USPL1: variants seen among roughly 807,000 people sequenced by gnomAD.
USPL1 encodes the protein ubiquitin specific peptidase like 1.
Under a neutral mutation model 51.5 loss-of-function variants are expected in USPL1, and 27 were observed. That is an observed-to-expected ratio of 0.52 (90% confidence interval 0.39 to 0.72). The LOEUF is 0.72. Among genes scored for constraint, USPL1 ranks in the 30% least tolerant of loss-of-function variants. The pLI, the probability that USPL1 is intolerant of heterozygous loss-of-function variation, is 0.00. For synonymous variants in USPL1, 451 were observed against 459.6 expected, an observed-to-expected ratio of 0.98 and a Z score of 0.24; for missense variants, 1,226 against 1,268.0, an observed-to-expected ratio of 0.97 and a Z score of 0.50.
intron 8 of USPL1, 79 bp from the exon 9 acceptor site, chr13:30,657,395 A>G: frequency 7.2e-7 from 1 of 1,394,564 alleles, no homozygotes. Flanking sequence ...ATGATACAAC[A>G]GTTGAAAAGG....
In USPL1 at chr13:30,621,730, G is replaced by C. The variant is rs752129251; in HGVS notation, c.100-34G>C. 1.3e-5 allele frequency: 19 copies of C among 1,413,238 alleles called. No homozygotes were observed. In the East Asian group the frequency reaches 4.5e-4, roughly 34 times the overall value. The allele number at this position is 1,413,238 out of a possible 1,614,324, so 87.5% of individuals were successfully genotyped here. On this transcript the variant is annotated intron_variant, in intron 2 of 8. Transcript: ENST00000255304. ...TAATATTTTGATATATTCTAGGAAT[G>C]TCTATATTTTAATTTGCTTTATTTC...
chr13:30,654,201 G>T (rs1951129100), intron 8 of USPL1, among the ~76,000 whole-genome samples: 1 of 152,196 alleles, frequency 6.6e-6, no homozygotes, highest in African/African-American at 2.4e-5. Context: ...CAGCATGGAA[G>T]AATCATTTAT....
intron 4 of USPL1, among the ~76,000 whole-genome samples, chr13:30,635,802 A>G (rs1950868250): frequency 6.6e-6 from 1 of 152,136 alleles, no homozygotes. Flanking sequence ...TGCTGTTGTG[A>G]ATTAACACCA....
At chr13:30,655,819 A>G (rs1264553204) in intron 8 of USPL1, among the ~76,000 whole-genome samples, 2 of 152,206 alleles carry the variant, frequency 1.3e-5, no homozygotes, top group African/African-American at 4.8e-5. Flanking sequence ...GGAATAGGAA[A>G]TGTTTTGTAG....
At chr13:30,628,960 C>T (rs1214916210) in intron 3 of USPL1, among the ~76,000 whole-genome samples, 2 of 152,108 alleles carry the variant, frequency 1.3e-5, no homozygotes, top group South Asian at 4.1e-4. Context: ...TCTCAGTTTT[C>T]TGACATATGA....
At chr13:30,626,047 T>G (rs374055039) in intron 3 of USPL1, among the ~76,000 whole-genome samples, 7 of 152,192 alleles carry the variant, frequency 4.6e-5, no homozygotes, top group African/African-American at 1.7e-4. Context: ...AGGTGCAGTG[T>G]TTCACACCTG....
chr13:30,658,122 C>A lies in USPL1; in HGVS notation c.2045C>A (p.Thr682Asn), dbSNP rs750690004. 6.2e-7 allele frequency: 1 copy of A among 1,613,680 alleles called. No individual in the cohort carries two copies. The highest frequency in any genetic ancestry group is 1.3e-5 in the African/African-American group (1 of 75,036). The change falls in exon 9 of 9, where the codon ACT (threonine) becomes AAT (asparagine). Residue 682 changes from threonine (T) to asparagine (N), a missense_variant. Physicochemically the swap from Thr to Asn is moderately conservative, Grantham distance 65. Coordinates refer to ENST00000255304, the MANE Select transcript of USPL1 (RefSeq NM_005800.5). ...DTVNTKSVNN[T>N]DATGLIQGVK... ...GTAAATACTAAATCTGTGAATAATACTGATGCTACTGGTCTTATACAGGGA... is the reference window on the plus strand; with the variant it reads ...GTAAATACTAAATCTGTGAATAATAATGATGCTACTGGTCTTATACAGGGA...
At chr13:30,651,847 T>C (rs1402035319) in intron 7 of USPL1, among the ~76,000 whole-genome samples, 1 of 152,002 alleles carries the variant, frequency 6.6e-6, no homozygotes, top group Non-Finnish European at 1.5e-5. Flanking sequence ...ATCCAGCTCC[T>C]CAGGAGGCTG....
intron 3 of USPL1, among the ~76,000 whole-genome samples, chr13:30,629,602 CAGTTGGTACTAGCTGCTAGCTGGA>C (rs1950772920): frequency 6.6e-6 from 1 of 152,192 alleles, no homozygotes; most frequent in African/African-American, 2.4e-5. Flanking sequence ...ACATGGCTGG[CAGTTGGTACTAGCTGCTAGCTGGA>C]AGTTGAGTTC....
chr13:30,658,815 G>T lies in USPL1; in HGVS notation c.2738G>T (p.Arg913Ile). ...GCTCTTATGTCTTCCCCGCAAAGCA[G>T]AACAGTTCGAAGTGAAAATCTAGAA... ...LAALMSSPQS[R>I]TVRSENLEQV... The change falls in exon 9 of 9, where the codon AGA becomes ATA. Residue 913 changes from arginine to isoleucine, a missense_variant. Transcript: ENST00000255304. 1 of 1,613,898 alleles carries T rather than the reference G, an allele frequency of 6.2e-7. No homozygotes were observed. Among genetic ancestry groups the T allele is most frequent in the Non-Finnish European group, 8.5e-7 (1 of 1,180,040 alleles).
intron 5 of USPL1, 53 bp from the exon 6 acceptor site, chr13:30,642,575 T>C: frequency 6.3e-7 from 1 of 1,581,834 alleles, no homozygotes; most frequent in Non-Finnish European, 8.6e-7. Context: ...AATTTTGGTT[T>C]AGTTTTTGCC....
rs200614142 is a variant in USPL1, at chr13:30,658,996, G to A, written c.2919G>A (p.Ala973=). 1.5e-4 allele frequency: 242 copies of A among 1,613,970 alleles called. No homozygotes were observed. Among genetic ancestry groups the A allele is most frequent in the Non-Finnish European group, 1.9e-4 (222 of 1,180,044 alleles). The change falls in exon 9 of 9, where the codon GCG becomes GCA. Residue 973 remains alanine (A), a synonymous_variant. Coordinates refer to ENST00000255304, the MANE Select transcript of USPL1 (RefSeq NM_005800.5). ...YSSQTHEEIL[A]ELLSPTPVST... ...GTCAAACTCATGAAGAAATTTTAGCGGAATTATTGTCTCCTACACCTGTTT... is the reference window on the plus strand; with the variant it reads ...GTCAAACTCATGAAGAAATTTTAGCAGAATTATTGTCTCCTACACCTGTTT...
chr13:30,623,084 G>A (rs1042115023), intron 3 of USPL1, among the ~76,000 whole-genome samples: 1 of 152,088 alleles, frequency 6.6e-6, no homozygotes, highest in Non-Finnish European at 1.5e-5. Context: ...AGTAGGGACT[G>A]GAATGCCAAA....
At position 30,642,848 on chromosome 13, in the gene USPL1, G is replaced by T. The variant is rs181644188; in HGVS notation, c.1112+91G>T. 1.2e-4 allele frequency: 178 copies of T among 1,467,804 alleles called. No homozygotes were observed. The African/African-American group carries it at 2.2e-3, about 19-fold the overall frequency. The allele number at this position is 1,467,804 out of a possible 1,614,324, so 90.9% of individuals were successfully genotyped here. ...ATTTGAGCACCAGACACTACAGTTT[G>T]CTTGCTTCTTTAAACTGGAAGGGTC... is the stretch of plus-strand genomic sequence containing the variant. On this transcript the variant is annotated intron_variant, in intron 6 of 8. Transcript: ENST00000255304.
chr13:30,647,785 C>T (rs1951037537), intron 7 of USPL1, among the ~76,000 whole-genome samples: 1 of 152,116 alleles, frequency 6.6e-6, no homozygotes, highest in South Asian at 2.1e-4. Context: ...AACCTTTATG[C>T]CCTTGAATGT....
intron 4 of USPL1, among the ~76,000 whole-genome samples, chr13:30,636,879 AAC>A (rs1238294422): frequency 3.3e-5 from 5 of 152,136 alleles, no homozygotes; most frequent in Non-Finnish European, 7.3e-5. Flanking sequence ...CAAACACACA[AAC>A]ACACACACAA....
intron 5 of USPL1, among the ~76,000 whole-genome samples, chr13:30,639,234 A>G (rs1286547078): frequency 8.0e-5 from 12 of 150,790 alleles, no homozygotes. Context: ...ATATATATAT[A>G]TATATATATA....
At chr13:30,651,447 T>G (rs1468659541) in intron 7 of USPL1, among the ~76,000 whole-genome samples, 1 of 152,214 alleles carries the variant, frequency 6.6e-6, no homozygotes, top group Admixed American at 6.5e-5. Flanking sequence ...TGCAAAAGAA[T>G]AGAAGACTTG....
chr13:30,645,721 G>T (rs1259544482), intron 6 of USPL1, among the ~76,000 whole-genome samples: 1 of 152,198 alleles, frequency 6.6e-6, no homozygotes, highest in East Asian at 1.9e-4. Context: ...CTTGGAAAGT[G>T]TAACCCAGAG....
Sources: gnomAD v4.1 joint callset for allele counts (sites outside exome capture counted in the v4.1 genomes callset) on GRCh38, gnomAD v4.1.1 for gene constraint, MANE v1.5 for transcripts, NCBI Gene and HGNC (gene_info 2026-07-23, HGNC 2026-07-21) for gene names.